The following WDR18 variants were observed in gnomAD, a reference collection of about 807,000 sequenced individuals.
WDR18 encodes the protein WD repeat domain 18.
A neutral mutation model predicts 49.6 loss-of-function variants in WDR18; 33 were observed. The ratio of observed to expected loss-of-function variants is 0.67; its 90% CI spans 0.50 to 0.89. The LOEUF is 0.89. WDR18 is among the 40% of genes least tolerant of loss of function. WDR18 has a pLI of 0.00. For synonymous variants in WDR18, 315 were observed against 263.6 expected (o/e 1.19, Z -1.89); for missense variants, 653 against 593.6 (o/e 1.10, Z -1.04).
rs1281794066 is a variant in WDR18, at chr19:992,090, G to A, written c.1067G>A (p.Gly356Asp). ...CACGGGGACGAGCCGCGCCACGGGG[G>A]CCTCACTCTGCGCCTGGGCCTCCAC... is the stretch of plus-strand genomic sequence containing the variant. Reference protein sequence around the residue: ...AEHGDEPRHGGLTLRLGLHQQ... With the variant: ...AEHGDEPRHGDLTLRLGLHQQ... The change falls in exon 8 of 10, where the codon GGC (glycine) becomes GAC (aspartate). Residue 356 changes from glycine to aspartate, a missense_variant. Gly to Asp is a moderately conservative substitution (Grantham distance 94). Transcript: ENST00000585809. The A allele has an allele frequency of 1.3e-6, 2 of 1,533,534 alleles. No homozygotes were observed. The highest frequency in any genetic ancestry group is 8.7e-7 in the Non-Finnish European group (1 of 1,145,558). 95.0% of individuals were successfully genotyped at this position (1,533,534 alleles called of 1,614,324 possible).
intron 2 of WDR18, among the ~76,000 whole-genome samples, chr19:987,866 G>A (rs1182968243): frequency 8.6e-5 from 7 of 81,112 alleles, no homozygotes; most frequent in African/African-American, 1.3e-4. Context: ...ATGAAGTCTC[G>A]CTCTGTTGCC....
upstream of WDR18, among the ~76,000 whole-genome samples, chr19:983,681 C>T (rs922229114): frequency 6.6e-6 from 1 of 151,954 alleles, no homozygotes; most frequent in Non-Finnish European, 1.5e-5. Flanking sequence ...CCAAGCTATC[C>T]GACTAATAAT....
chr19:989,959 G>T, intron 3 of WDR18, 64 bp downstream of exon 3: 2 of 1,535,146 alleles, frequency 1.3e-6, no homozygotes, highest in South Asian at 2.5e-5. Flanking sequence ...GGGAGAGGAG[G>T]CGCCAAGGCC....
Position 994,351 on chromosome 19 carries a change from G to C in WDR18, c.*7G>C, listed in dbSNP as rs775086423. The stretch of plus-strand genomic sequence containing the variant: ...CACGCGGCCGGCCAAGTGAGGCCCG[G>C]AGACCCCGGCCCGAGGCGCCCAGGC... On this transcript the variant is annotated 3_prime_UTR_variant, in exon 10 of 10. Coordinates refer to ENST00000585809, the MANE Select transcript of WDR18 (RefSeq NM_024100.4). 1.9e-6 allele frequency: 3 copies of C among 1,606,224 alleles called. No individual in the cohort carries two copies. Among genetic ancestry groups the C allele is most frequent in the Non-Finnish European group, 2.5e-6 (3 of 1,177,784 alleles).
chr19:989,975 C>T (rs1170908527), intron 3 of WDR18, 80 bp downstream of exon 3: 6 of 1,519,780 alleles, frequency 3.9e-6, no homozygotes, highest in African/African-American at 1.4e-5. Flanking sequence ...AGGCCCCTGG[C>T]GGGAAGGGGC....
chr19:993,144 T>A (rs1220649104), intron 8 of WDR18, among the ~76,000 whole-genome samples: 1 of 152,230 alleles, frequency 6.6e-6, no homozygotes, highest in African/African-American at 2.4e-5. Context: ...CTGGACTGAC[T>A]GCTAACAGCG....
In WDR18 at chr19:990,784, C is replaced by G; in HGVS notation, c.598-68C>G. ...AGCCGACGCCTGACCTCCCTGGTGC[C>G]CCTGTTCCCATGGGGTCCTCGGGTT... is the stretch of plus-strand genomic sequence containing the variant. On this transcript the variant is annotated intron_variant, in intron 4 of 9. Coordinates refer to ENST00000585809, the MANE Select transcript of WDR18 (RefSeq NM_024100.4). 2.0e-6 allele frequency: 3 copies of G among 1,527,626 alleles called. No individual in the cohort carries two copies. In the South Asian group the frequency reaches 3.9e-5, roughly 20 times the overall value. 94.6% of individuals were successfully genotyped at this position (1,527,626 alleles called of 1,614,324 possible).
chr19:986,201 G>A (rs1410208510), intron 2 of WDR18, among the ~76,000 whole-genome samples: 1 of 152,184 alleles, frequency 6.6e-6, no homozygotes, highest in African/African-American at 2.4e-5. Flanking sequence ...GATAGAGCCC[G>A]GTGCAGCCCA....
rs550513165 is a variant in WDR18, at chr19:993,686, C to T, written c.1099-334C>T. ...TGAGGCCCTCGCCAGGCCCTGTGTC[C>T]CAGAGCCTTCCCTGGGCTTGCGGGT... On this transcript the variant is annotated intron_variant, in intron 8 of 9. Coordinates refer to ENST00000585809, the MANE Select transcript of WDR18 (RefSeq NM_024100.4). 4.6e-5 allele frequency among the ~76,000 whole-genome samples: 7 copies of T among 151,986 alleles called. No individual in the cohort carries two copies. In the East Asian group the frequency reaches 9.7e-4, roughly 21 times the overall value.
intron 1 of WDR18, 40 bp downstream of exon 1, chr19:984,603 C>T (rs1599442941): frequency 7.2e-7 from 1 of 1,383,420 alleles, no homozygotes. Flanking sequence ...CATGGGGCGC[C>T]CGAGGCTGAA....
Position 985,897 on chromosome 19 carries a change from G to T in WDR18, c.243G>T (p.Gly81=). ...DQLQQKIMCP[G]PVTCLTASPN... ...TCCAGCAGAAGATCATGTGCCCCGG[G>T]CCTGTCACCTGTCTGACTGCATCAC... Residue 81 remains glycine, a synonymous_variant, in exon 2 of 10, where the codon GGG becomes GGT. Transcript: ENST00000585809. The T allele has an allele frequency of 6.2e-7, 1 of 1,613,914 alleles. No homozygotes were observed. Among genetic ancestry groups the T allele is most frequent in the Non-Finnish European group, 8.5e-7 (1 of 1,179,982 alleles).
At chr19:988,236 ATCC>A (rs981703677) in intron 2 of WDR18, among the ~76,000 whole-genome samples, 1 of 151,964 alleles carries the variant, frequency 6.6e-6, no homozygotes, top group African/African-American at 2.4e-5. Context: ...CACGGTCGAA[ATCC>A]TCCTCCTGTT....
In WDR18 at chr19:984,833, G is replaced by A. The variant is rs1474027449; in HGVS notation, c.210+270G>A. ...GGGAGACGCTCCGGGGGGTCCCTTG[G>A]GGCAATTGCGCATGCACGAGTTCTT... On this transcript the variant is annotated intron_variant, in intron 1 of 9. Coordinates refer to ENST00000585809, the MANE Select transcript of WDR18 (RefSeq NM_024100.4). 2.0e-5 allele frequency among the ~76,000 whole-genome samples: 3 copies of A among 152,272 alleles called. No individual in the cohort carries two copies. The East Asian group carries it at 5.8e-4, about 29-fold the overall frequency.
At chr19:985,579 C>T (rs955270029) in intron 1 of WDR18, among the ~76,000 whole-genome samples, 4 of 152,126 alleles carry the variant, frequency 2.6e-5, no homozygotes, top group Admixed American at 2.0e-4. Flanking sequence ...CCCCAGTGTC[C>T]TTCTGGATCC....
intron 8 of WDR18, among the ~76,000 whole-genome samples, chr19:993,698 C>T (rs2038590992): frequency 6.8e-6 from 1 of 147,986 alleles, no homozygotes; most frequent in African/African-American, 2.5e-5. Context: ...AGAGCCTTCC[C>T]TGGGCTTGCG....
At chr19:990,413 G>A (rs1300313802) in intron 4 of WDR18, 49 bp downstream of exon 4, 13 of 1,472,220 alleles carry the variant, frequency 8.8e-6, no homozygotes, top group Admixed American at 7.8e-5. Context: ...CCCAGCAGCC[G>A]CAGGTCCTCA....
rs147799042 is a variant in WDR18 at position 994,246 on chromosome 19, C to T, written c.1201C>T (p.Arg401Cys). The T allele has an allele frequency of 1.1e-4, 176 of 1,607,570 alleles. 1 individual carries two copies. Among genetic ancestry groups the T allele is most frequent in the Admixed American group, 9.9e-4 (59 of 59,652 alleles). ...VLGGQDQLRV[R>C]VTELEDEVRN... Reference sequence around the variant, plus strand: ...CGGCGGCCAGGACCAGCTGCGCGTCCGTGTGACGGAGCTGGAGGACGAGGT... The same window carrying T: ...CGGCGGCCAGGACCAGCTGCGCGTCTGTGTGACGGAGCTGGAGGACGAGGT... The change falls in exon 10 of 10, where the codon CGT becomes TGT. Residue 401 changes from arginine to cysteine, a missense_variant. Arg to Cys is a radical substitution (Grantham distance 180). Transcript: ENST00000585809.
chr19:986,377 C>T (rs1307866957), intron 2 of WDR18, among the ~76,000 whole-genome samples: 1 of 152,184 alleles, frequency 6.6e-6, no homozygotes, highest in African/African-American at 2.4e-5. Context: ...TCAAGCAATC[C>T]TCCTGTCTCA....
chr19:985,805 A>T, intron 1 of WDR18, 60 bp from the exon 2 acceptor site: 1 of 1,544,452 alleles, frequency 6.5e-7, no homozygotes, highest in Non-Finnish European at 8.9e-7. Flanking sequence ...CTCGCCCTCC[A>T]CTGCTGTAGT....
Sources: allele counts gnomAD v4.1 joint callset (sites outside exome capture counted in the v4.1 genomes callset), GRCh38; gene constraint gnomAD v4.1.1; transcripts MANE v1.5; gene names NCBI Gene and HGNC (gene_info 2026-07-23, HGNC 2026-07-21).